Variants in GRM5 observed in about 807,000 individuals in gnomAD.
GRM5 encodes metabotropic glutamate receptor 5.
In GRM5, 19 loss-of-function variants were observed where a neutral mutation model predicts 83.1. The ratio of observed to expected loss-of-function variants is 0.23; its 90% CI spans 0.16 to 0.34. GRM5 has a LOEUF of 0.34. Among genes scored for constraint, GRM5 ranks in the 10% least tolerant of loss-of-function variants. The pLI is 1.00. For missense variants in GRM5, 1,160 were observed against 1,588.3 expected (o/e 0.73, Z 4.58); for synonymous variants, 675 against 633.6 (o/e 1.07, Z -0.98).
At chr11:89,029,014 G>A (rs759543715) in intron 2 of GRM5, among the ~76,000 whole-genome samples, 7 of 151,510 alleles carry the variant, frequency 4.6e-5, no homozygotes, top group Admixed American at 6.6e-5. Flanking sequence ...TCCCACTTAT[G>A]AGTGAGAACA....
intron 7 of GRM5, among the ~76,000 whole-genome samples, chr11:88,584,395 A>T (rs1943272228): frequency 6.6e-6 from 1 of 151,932 alleles, no homozygotes. Flanking sequence ...TAATATTTAT[A>T]AAGCAGCCCA....
intron 3 of GRM5, among the ~76,000 whole-genome samples, chr11:88,773,860 T>C (rs949744927): frequency 2.0e-5 from 3 of 152,214 alleles, no homozygotes; most frequent in Non-Finnish European, 4.4e-5. Context: ...TGTAGCCTTG[T>C]AATATACTTT....
chr11:88,560,381 C>T (rs1942727799), intron 8 of GRM5, among the ~76,000 whole-genome samples: 1 of 152,006 alleles, frequency 6.6e-6, no homozygotes, highest in Non-Finnish European at 1.5e-5. Context: ...CTTTATTGAA[C>T]TTAACTGTTT....
chr11:88,885,415 T>C (rs1945025931), intron 2 of GRM5, among the ~76,000 whole-genome samples: 1 of 148,240 alleles, frequency 6.7e-6, no homozygotes, highest in Non-Finnish European at 1.5e-5. Flanking sequence ...ACAGTCATCA[T>C]TAGTAAAATT....
intron 2 of GRM5, among the ~76,000 whole-genome samples, chr11:88,979,639 A>G (rs677526): frequency 1.3e-5 from 2 of 152,124 alleles, no homozygotes; most frequent in African/African-American, 4.8e-5. Context: ...AGCTTTGCCC[A>G]AAGTTGTCTT....
At chr11:88,689,437 G>T (rs190305174) in intron 3 of GRM5, among the ~76,000 whole-genome samples, 62 of 152,148 alleles carry the variant, frequency 4.1e-4, no homozygotes, top group Non-Finnish European at 5.9e-5. Context: ...AATGGCAGAA[G>T]AACTGAAGTG....
intron 8 of GRM5, among the ~76,000 whole-genome samples, chr11:88,535,760 C>G (rs4753500): frequency 0.31 from 47,675 of 151,954 alleles, 8,147 homozygotes; most frequent in East Asian, 0.63. Flanking sequence ...GTGTGTCTCT[C>G]TGTGTGTGTA....
intron 2 of GRM5, among the ~76,000 whole-genome samples, chr11:88,884,754 T>C (rs1157534741): frequency 6.6e-6 from 1 of 152,154 alleles, no homozygotes; most frequent in Non-Finnish European, 1.5e-5. Context: ...TGAGAGCTGA[T>C]GGTTTTATAA....
At position 89,035,541 on chromosome 11, in the gene GRM5, A is replaced by G. The variant is rs141490049; in HGVS notation, c.661+11671T>C. ...AATCATTAAAAATACAAATAATTAT[A>G]TTTTTATTGTTCTTGAGGAAAGGAA... On this transcript the variant is annotated intron_variant, in intron 2 of 9. Transcript: ENST00000305447. 7.9e-3 allele frequency among the ~76,000 whole-genome samples: 1,206 copies of G among 151,850 alleles called. 14 individuals carry two copies. Among genetic ancestry groups the G allele is most frequent in the African/African-American group, 0.028 (1,160 of 41,476 alleles).
At chr11:88,670,161 AT>A (rs974233985) in intron 3 of GRM5, among the ~76,000 whole-genome samples, 3 of 152,020 alleles carry the variant, frequency 2.0e-5, no homozygotes, top group Admixed American at 1.3e-4. Context: ...AAATGTTCTA[AT>A]AAAAAAGATT....
rs184637363 is a variant in GRM5 at position 88,550,826 on chromosome 11, C to A, written c.2630+16227G>T. Among the ~76,000 whole-genome samples the A allele has an allele frequency of 4.3e-3, 657 of 152,258 alleles. 2 individuals carry two copies. The highest frequency in any genetic ancestry group is 6.9e-3 in the Non-Finnish European group (466 of 68,008). ...TGATTCCTACAAATTCTTTACCAGT[C>A]TTTCAAATACAATCTTAGTGTTTAT... is the stretch of plus-strand genomic sequence containing the variant. On this transcript the variant is annotated intron_variant, in intron 8 of 9. Transcript: ENST00000305447.
chr11:88,812,081 G>A (rs570593575), intron 3 of GRM5, among the ~76,000 whole-genome samples: 10 of 152,038 alleles, frequency 6.6e-5, no homozygotes, highest in Non-Finnish European at 1.2e-4. Context: ...CCCTTGCTTC[G>A]GAAGTTCTGT....
At chr11:88,816,003 G>A (rs896204477) in intron 3 of GRM5, among the ~76,000 whole-genome samples, 1 of 148,464 alleles carries the variant, frequency 6.7e-6, no homozygotes, top group Non-Finnish European at 1.5e-5. Context: ...CATGAGGTCA[G>A]GAGATCGAGA....
At chr11:88,632,225 A>G (rs555005884) in intron 4 of GRM5, among the ~76,000 whole-genome samples, 4 of 148,994 alleles carry the variant, frequency 2.7e-5, no homozygotes, top group East Asian at 2.0e-4. Flanking sequence ...AGTTTCATAG[A>G]GATTGAATCA....
chr11:88,612,139 C>T (rs1430848842), intron 4 of GRM5, among the ~76,000 whole-genome samples: 1 of 143,204 alleles, frequency 7.0e-6, no homozygotes, highest in Non-Finnish European at 1.5e-5. Flanking sequence ...CACCACAGTC[C>T]CCAGAGTGTG....
chr11:88,925,426 T>A (rs893087397), intron 2 of GRM5, among the ~76,000 whole-genome samples: 4 of 152,148 alleles, frequency 2.6e-5, no homozygotes, highest in Admixed American at 2.6e-4. Context: ...AGCAACTTAA[T>A]TGCTGACCCG....
intron 3 of GRM5, among the ~76,000 whole-genome samples, chr11:88,665,239 A>G (rs1166700317): frequency 6.6e-6 from 1 of 150,412 alleles, no homozygotes; most frequent in Non-Finnish European, 1.5e-5. Context: ...TGAATCGTCA[A>G]ATAGAGAACT....
intron 3 of GRM5, among the ~76,000 whole-genome samples, chr11:88,772,487 A>C (rs1942760096): frequency 6.6e-6 from 1 of 151,650 alleles, no homozygotes; most frequent in Non-Finnish European, 1.5e-5. Flanking sequence ...TCTAGAGTAC[A>C]TGTGCACAAT....
At chr11:88,574,666 C>A (rs1943069506) in intron 7 of GRM5, among the ~76,000 whole-genome samples, 1 of 152,124 alleles carries the variant, frequency 6.6e-6, no homozygotes, top group African/African-American at 2.4e-5. Context: ...ACTCAGGAGG[C>A]TGAGGCAGGA....
Sources: gnomAD v4.1 joint callset for allele counts (sites outside exome capture counted in the v4.1 genomes callset) on GRCh38, gnomAD v4.1.1 for gene constraint, MANE v1.5 for transcripts, NCBI Gene and HGNC (gene_info 2026-07-23, HGNC 2026-07-21) for gene names.